The following NELL2 variants were observed in gnomAD, a reference collection of about 807,000 sequenced individuals.
NELL2 encodes the protein protein kinase C-binding protein NELL2.
A neutral mutation model predicts 109.6 loss-of-function variants in NELL2; 41 were observed. That is an observed-to-expected ratio of 0.37 (90% CI 0.29 to 0.49). NELL2 has a LOEUF of 0.49. Ranked by LOEUF, NELL2 falls within the 20% of genes least tolerant of loss-of-function variation. The probability of loss-of-function intolerance (pLI) is 0.98; values close to 1 mark genes in which losing one functional copy is unlikely to be tolerated. For synonymous variants in NELL2, 355 were observed against 344.7 expected, an observed-to-expected ratio of 1.03 and a Z score of -0.33; for missense variants, 900 against 1,008.3, an observed-to-expected ratio of 0.89 and a Z score of 1.45.
chr12:44,587,164 C>T (rs533408574), intron 15 of NELL2, among the ~76,000 whole-genome samples: 32 of 149,632 alleles, frequency 2.1e-4, no homozygotes, highest in East Asian at 6.0e-4. Flanking sequence ...CCCACCTACT[C>T]GGGAGGCTGA....
At chr12:44,815,627 T>C (rs1039708867) in intron 3 of NELL2, among the ~76,000 whole-genome samples, 1 of 152,172 alleles carries the variant, frequency 6.6e-6, no homozygotes, top group Non-Finnish European at 1.5e-5. Context: ...CCAATCTTTG[T>C]GTTGTTGTTG....
chr12:44,582,213 C>T (rs894427005), intron 15 of NELL2, among the ~76,000 whole-genome samples: 1 of 152,110 alleles, frequency 6.6e-6, no homozygotes, highest in Non-Finnish European at 1.5e-5. Context: ...GTAAGAAAAA[C>T]ATTCTAAGGA....
At chr12:44,665,638 A>C (rs1947899615) in intron 12 of NELL2, 29 bp from the exon 13 acceptor site, 1 of 1,597,836 alleles carries the variant, frequency 6.3e-7, no homozygotes, top group Non-Finnish European at 8.5e-7. Flanking sequence ...CAAAGAGGTC[A>C]ACAGTGGGCA....
At chr12:44,520,933 G>A (rs891280454) in intron 18 of NELL2, among the ~76,000 whole-genome samples, 15 of 152,046 alleles carry the variant, frequency 9.9e-5, no homozygotes, top group African/African-American at 3.6e-4. Flanking sequence ...ATTGATTTTT[G>A]GGTTGAAAGT....
intron 12 of NELL2, among the ~76,000 whole-genome samples, chr12:44,684,374 G>T (rs1948638765): frequency 6.6e-6 from 1 of 152,008 alleles, no homozygotes; most frequent in Non-Finnish European, 1.5e-5. Context: ...ACCAGCTCCT[G>T]GATTCGTTAA....
chr12:44,897,929 G>T (rs1380437443), intron 1 of NELL2, among the ~76,000 whole-genome samples: 1 of 152,170 alleles, frequency 6.6e-6, no homozygotes. Flanking sequence ...AGAGTGGTGT[G>T]GGGAGGGGCA....
intron 2 of NELL2, among the ~76,000 whole-genome samples, chr12:44,863,351 A>G (rs1175515432): frequency 6.6e-6 from 1 of 152,252 alleles, no homozygotes; most frequent in Non-Finnish European, 1.5e-5. Context: ...AGACTATATC[A>G]TGACATATTA....
At chr12:44,565,816 A>AC (rs1364814161) in intron 15 of NELL2, among the ~76,000 whole-genome samples, 9 of 152,198 alleles carry the variant, frequency 5.9e-5, no homozygotes, top group African/African-American at 2.2e-4. Context: ...GTGAAAGGGA[A>AC]CAGTCTAGTG....
upstream of NELL2, chr12:44,876,468 G>T: frequency 7.6e-7 from 1 of 1,318,092 alleles, no homozygotes; most frequent in Non-Finnish European, 9.7e-7. Flanking sequence ...TGCCAAACCC[G>T]GTCTAGGGAG....
intron 1 of NELL2, among the ~76,000 whole-genome samples, chr12:44,888,544 G>A (rs1187133006): frequency 6.6e-6 from 1 of 151,142 alleles, no homozygotes; most frequent in African/African-American, 2.4e-5. Context: ...ATGAATAACT[G>A]TACATCAACA....
intron 16 of NELL2, among the ~76,000 whole-genome samples, chr12:44,528,144 G>A (rs1414972804): frequency 7.1e-6 from 1 of 141,500 alleles, no homozygotes; most frequent in African/African-American, 2.7e-5. Flanking sequence ...TTCAGAGCAT[G>A]TTGTACTCTG....
At chr12:44,663,672 T>C (rs908594722) in intron 13 of NELL2, among the ~76,000 whole-genome samples, 4 of 152,212 alleles carry the variant, frequency 2.6e-5, no homozygotes, top group African/African-American at 7.2e-5. Context: ...GGATTTTATT[T>C]GGAAGGAAAG....
chr12:44,642,217 C>T (rs1946886575), intron 13 of NELL2, among the ~76,000 whole-genome samples: 2 of 152,078 alleles, frequency 1.3e-5, no homozygotes, highest in Non-Finnish European at 1.5e-5. Context: ...ACAGATGATT[C>T]TTAACCTGAT....
chr12:44,802,024 T>C (rs2136655036), intron 3 of NELL2, among the ~76,000 whole-genome samples: 1 of 152,292 alleles, frequency 6.6e-6, no homozygotes, highest in Admixed American at 6.5e-5. Flanking sequence ...ACTCCTGTAC[T>C]TCTGCCCAAT....
Position 44,703,720 on chromosome 12 carries a change from G to A in NELL2, c.1318+6C>T, listed in dbSNP as rs745520190. The A allele has an allele frequency of 1.9e-5, 31 of 1,612,944 alleles. No homozygotes were observed. Among genetic ancestry groups the A allele is most frequent in the Non-Finnish European group, 2.6e-5 (31 of 1,179,400 alleles). ...CAGCTGAGCTACACATCATTACAAG[G>A]ATTACCTTCACAGTAGGCATTATCC... is the stretch of plus-strand genomic sequence containing the variant. On this transcript the variant is annotated splice_donor_region_variant and intron_variant, in intron 12 of 19. Transcript: ENST00000429094.
intron 18 of NELL2, 34 bp downstream of exon 18, chr12:44,521,966 A>G (rs772677151): frequency 1.2e-6 from 2 of 1,607,574 alleles, no homozygotes; most frequent in East Asian, 4.5e-5. Flanking sequence ...TTCTGGGCCT[A>G]AATTTTCTTT....
chr12:44,839,067 C>T (rs542157391), intron 2 of NELL2, among the ~76,000 whole-genome samples: 30 of 152,308 alleles, frequency 2.0e-4, no homozygotes, highest in African/African-American at 6.5e-4. Context: ...CACCTCCCCG[C>T]GCACGCTTCA....
At chr12:44,747,734 T>C (rs1940454694) in intron 9 of NELL2, among the ~76,000 whole-genome samples, 1 of 152,254 alleles carries the variant, frequency 6.6e-6, no homozygotes, top group South Asian at 2.1e-4. Flanking sequence ...TTTTATCTAT[T>C]ACCCATGTGC....
At chr12:44,661,751 A>G (rs1353303169) in intron 13 of NELL2, among the ~76,000 whole-genome samples, 1 of 152,208 alleles carries the variant, frequency 6.6e-6, no homozygotes, top group African/African-American at 2.4e-5. Context: ...CATAAACAAA[A>G]TAGGTTACTT....
Sources: allele counts gnomAD v4.1 joint callset (sites outside exome capture counted in the v4.1 genomes callset), GRCh38; gene constraint gnomAD v4.1.1; transcripts MANE v1.5; gene names NCBI Gene and HGNC (gene_info 2026-07-23, HGNC 2026-07-21).